CNTNAP5: variants seen among roughly 807,000 people sequenced by gnomAD.
CNTNAP5 encodes contactin-associated protein-like 5.
Under a neutral mutation model 150.2 loss-of-function variants are expected in CNTNAP5, and 72 were observed. That is an observed-to-expected ratio of 0.48 (90% confidence interval 0.40 to 0.58). The LOEUF is 0.58. CNTNAP5 is among the 20% of genes least tolerant of loss of function. The pLI is 0.00. For synonymous variants in CNTNAP5, 672 were observed against 619.8 expected, an observed-to-expected ratio of 1.08 and a Z score of -1.25; for missense variants, 1,636 against 1,626.2, an observed-to-expected ratio of 1.01 and a Z score of -0.10.
chr2:124,058,154 C>G (rs1681906056), intron 1 of CNTNAP5, among the ~76,000 whole-genome samples: 1 of 152,134 alleles, frequency 6.6e-6, no homozygotes. Context: ...TCCTAGACAT[C>G]AACACAGATC....
At chr2:124,224,510 G>GTATA (rs568417664) in intron 2 of CNTNAP5, among the ~76,000 whole-genome samples, 1 of 151,192 alleles carries the variant, frequency 6.6e-6, no homozygotes, top group South Asian at 2.1e-4. Context: ...AGAGTAAAAT[G>GTATA]TATATATATA....
chr2:124,699,323 C>T (rs542509791), intron 13 of CNTNAP5, among the ~76,000 whole-genome samples: 2 of 152,214 alleles, frequency 1.3e-5, no homozygotes, highest in South Asian at 4.1e-4. Flanking sequence ...GGATGCGTTG[C>T]CTGTTTGTAG....
At chr2:124,219,954 C>T (rs1010620735) in intron 1 of CNTNAP5, among the ~76,000 whole-genome samples, 3 of 151,894 alleles carry the variant, frequency 2.0e-5, no homozygotes, top group Non-Finnish European at 4.4e-5. Context: ...TTGTATTTGT[C>T]AAATACCTCA....
rs148921553 is a variant in CNTNAP5 at position 124,610,922 on chromosome 2, A to G, written c.1876+1002A>G. On this transcript the variant is annotated intron_variant, in intron 12 of 23. Coordinates refer to ENST00000682447, the MANE Select transcript of CNTNAP5 (RefSeq NM_001367498.1). Reference sequence around the variant, plus strand: ...CAGTCAGCCGAGATCGTGCCACTGCACTCCAGCCTGCGACAGGGCGAGACA... The same window carrying G: ...CAGTCAGCCGAGATCGTGCCACTGCGCTCCAGCCTGCGACAGGGCGAGACA... Among the ~76,000 whole-genome samples the G allele has an allele frequency of 7.0e-3, 1,029 of 147,632 alleles. 17 individuals are homozygous for G. Among genetic ancestry groups the G allele is most frequent in the African/African-American group, 0.025 (994 of 39,830 alleles).
At chr2:124,686,596 G>C (rs923000555) in intron 13 of CNTNAP5, among the ~76,000 whole-genome samples, 6 of 152,130 alleles carry the variant, frequency 3.9e-5, no homozygotes, top group African/African-American at 1.4e-4. Context: ...TGGGAGTGAA[G>C]TTATCTTGGA....
intron 3 of CNTNAP5, among the ~76,000 whole-genome samples, chr2:124,415,773 T>C (rs1558891768): frequency 6.6e-6 from 1 of 152,202 alleles, no homozygotes; most frequent in Non-Finnish European, 1.5e-5. Context: ...GTGATGGTTA[T>C]ACGACAACGT....
intron 21 of CNTNAP5, among the ~76,000 whole-genome samples, chr2:124,874,256 T>C (rs1677808955): frequency 1.3e-5 from 2 of 152,168 alleles, no homozygotes; most frequent in African/African-American, 4.8e-5. Context: ...CATCAGTGAA[T>C]TTAAGAAAAA....
chr2:124,468,091 A>G (rs1693423009), intron 6 of CNTNAP5, among the ~76,000 whole-genome samples: 1 of 152,120 alleles, frequency 6.6e-6, no homozygotes, highest in Admixed American at 6.6e-5. Context: ...GACTTGCATC[A>G]CAGCTTTCAT....
At chr2:124,512,457 A>C (rs1346284447) in intron 8 of CNTNAP5, among the ~76,000 whole-genome samples, 2 of 152,130 alleles carry the variant, frequency 1.3e-5, no homozygotes, top group Non-Finnish European at 2.9e-5. Context: ...GAAAAGGCAA[A>C]AGGTGAAGCT....
intron 21 of CNTNAP5, among the ~76,000 whole-genome samples, chr2:124,891,297 C>T (rs1027855606): frequency 1.3e-5 from 2 of 152,032 alleles, no homozygotes; most frequent in Non-Finnish European, 2.9e-5. Context: ...GTCTGAGGAC[C>T]TCTCCACAGT....
At chr2:124,246,172 A>G (rs1687019070) in intron 3 of CNTNAP5, among the ~76,000 whole-genome samples, 1 of 152,190 alleles carries the variant, frequency 6.6e-6, no homozygotes, top group South Asian at 2.1e-4. Context: ...AGGATGGGAC[A>G]ATCCATTCAC....
intron 17 of CNTNAP5, among the ~76,000 whole-genome samples, chr2:124,782,544 A>G (rs745547608): frequency 6.6e-6 from 1 of 152,234 alleles, no homozygotes; most frequent in South Asian, 2.1e-4. Flanking sequence ...AGTGTAAATC[A>G]GATTTCCAAT....
intron 11 of CNTNAP5, among the ~76,000 whole-genome samples, chr2:124,586,453 C>G (rs1179593770): frequency 2.0e-5 from 3 of 152,210 alleles, no homozygotes; most frequent in African/African-American, 7.2e-5. Flanking sequence ...GATTTTACCT[C>G]TCTGAGCTTC....
intron 10 of CNTNAP5, among the ~76,000 whole-genome samples, chr2:124,528,168 G>A (rs540210206): frequency 5.1e-4 from 78 of 152,256 alleles, no homozygotes; most frequent in Middle Eastern, 3.4e-3. Flanking sequence ...TCAAAATATC[G>A]TTTATAGAAT....
At position 124,184,648 on chromosome 2, in the gene CNTNAP5, C is replaced by T. The variant is rs115857926; in HGVS notation, c.83-37057C>T. 8.2e-3 allele frequency among the ~76,000 whole-genome samples: 1,244 copies of T among 152,264 alleles called. 17 individuals carry two copies. Among genetic ancestry groups the T allele is most frequent in the African/African-American group, 0.028 (1,145 of 41,550 alleles). ...GACAACCTATTAAAATCTGCATTCA[C>T]CCTTTGAGTCACAATGGCATTGCTA... On this transcript the variant is annotated intron_variant, in intron 1 of 23. Coordinates refer to ENST00000682447, the MANE Select transcript of CNTNAP5 (RefSeq NM_001367498.1).
chr2:124,572,457 C>T (rs62172645), intron 11 of CNTNAP5, among the ~76,000 whole-genome samples: 21 of 151,884 alleles, frequency 1.4e-4, no homozygotes, highest in African/African-American at 2.4e-4. Context: ...ACCCCCAAAC[C>T]GAAAATAAAA....
intron 1 of CNTNAP5, among the ~76,000 whole-genome samples, chr2:124,193,500 G>T (rs539703030): frequency 2.0e-5 from 3 of 152,300 alleles, no homozygotes; most frequent in African/African-American, 7.2e-5. Flanking sequence ...TTGAGGGAAA[G>T]TCTGAACAGC....
chr2:124,703,527 C>T (rs747659886), intron 13 of CNTNAP5, among the ~76,000 whole-genome samples: 3 of 152,124 alleles, frequency 2.0e-5, no homozygotes, highest in Non-Finnish European at 2.9e-5. Context: ...TTTTTATGTT[C>T]AAACACCTAG....
At chr2:124,430,978 G>A (rs1692364018) in intron 4 of CNTNAP5, among the ~76,000 whole-genome samples, 1 of 152,178 alleles carries the variant, frequency 6.6e-6, no homozygotes, top group South Asian at 2.1e-4. Context: ...CAATGACTTT[G>A]AAGGTAGGTT....
Sources: gnomAD v4.1 joint callset for allele counts (sites outside exome capture counted in the v4.1 genomes callset) on GRCh38, gnomAD v4.1.1 for gene constraint, MANE v1.5 for transcripts, NCBI Gene and HGNC (gene_info 2026-07-23, HGNC 2026-07-21) for gene names.